MYO5B: variants seen among roughly 807,000 people sequenced by gnomAD.
MYO5B encodes unconventional myosin-Vb.
MYO5B carries 143 observed loss-of-function variants against 229.3 expected under a neutral mutation model. The ratio of observed to expected loss-of-function variants is 0.62; its 90% CI spans 0.54 to 0.72. MYO5B has a LOEUF of 0.72. Ranked by LOEUF, MYO5B falls within the 30% of genes least tolerant of loss-of-function variation. The pLI, the probability that MYO5B is intolerant of heterozygous loss-of-function variation, is 0.00. For synonymous variants in MYO5B, 918 were observed against 885.2 expected, an observed-to-expected ratio of 1.04 and a Z score of -0.66; for missense variants, 2,321 against 2,331.0, an observed-to-expected ratio of 1.00 and a Z score of 0.09.
At chr18:49,956,985 G>A (rs1454900399) in intron 12 of MYO5B, among the ~76,000 whole-genome samples, 3 of 152,004 alleles carry the variant, frequency 2.0e-5, no homozygotes, top group South Asian at 2.1e-4. Flanking sequence ...AAAATTGACT[G>A]TGGTTGGTAA....
intron 1 of MYO5B, among the ~76,000 whole-genome samples, chr18:50,112,884 A>G (rs1183265424): frequency 6.6e-6 from 1 of 152,238 alleles, no homozygotes; most frequent in Non-Finnish European, 1.5e-5. Flanking sequence ...AAATTGGGTC[A>G]TTTATTTCAA....
chr18:50,104,167 T>TAACAAAAAAAA (rs2078020629), intron 1 of MYO5B, among the ~76,000 whole-genome samples: 1 of 131,488 alleles, frequency 7.6e-6, no homozygotes, highest in African/African-American at 2.9e-5. Flanking sequence ...ACTTGTCTAT[T>TAACAAAAAAAA]AAAAAGAAAA....
intron 14 of MYO5B, among the ~76,000 whole-genome samples, chr18:49,942,606 A>G (rs973197142): frequency 1.3e-5 from 2 of 152,088 alleles, no homozygotes; most frequent in East Asian, 3.8e-4. Flanking sequence ...CAAAAGACAC[A>G]TGAAAAAATG....
chr18:49,979,213 G>A (rs1443862871), intron 9 of MYO5B, among the ~76,000 whole-genome samples: 1 of 152,124 alleles, frequency 6.6e-6, no homozygotes, highest in African/African-American at 2.4e-5. Flanking sequence ...CCCCTAAGGT[G>A]AGCACCCACA....
At chr18:49,964,861 G>A (rs923151637) in intron 10 of MYO5B, among the ~76,000 whole-genome samples, 12 of 152,192 alleles carry the variant, frequency 7.9e-5, no homozygotes, top group African/African-American at 2.9e-4. Context: ...AGGTGGAACC[G>A]TTAGAGGGGA....
At chr18:49,959,524 C>T (rs4513197) in intron 12 of MYO5B, among the ~76,000 whole-genome samples, 1 of 152,058 alleles carries the variant, frequency 6.6e-6, no homozygotes, top group Non-Finnish European at 1.5e-5. Context: ...GGACACTGGC[C>T]TCCCCACTGA....
chr18:50,122,626 AGG>A (rs150715257), intron 1 of MYO5B, among the ~76,000 whole-genome samples: 11 of 9,092 alleles, frequency 1.2e-3, no homozygotes, highest in African/African-American at 7.1e-3. Context: ...GAGGGAGGGA[AGG>A]GGGGGGGAGA....
chr18:49,863,749 T>C, intron 28 of MYO5B, among the ~76,000 whole-genome samples: 1 of 152,150 alleles, frequency 6.6e-6, no homozygotes, highest in East Asian at 1.9e-4. Flanking sequence ...CCCCACCCTC[T>C]GGCTCTAGTC....
At chr18:49,862,768 T>C (rs1245863059) in intron 29 of MYO5B, among the ~76,000 whole-genome samples, 2 of 152,182 alleles carry the variant, frequency 1.3e-5, no homozygotes, top group Non-Finnish European at 2.9e-5. Context: ...CACCCCCAAG[T>C]GCCCAGCTTG....
intron 1 of MYO5B, among the ~76,000 whole-genome samples, chr18:50,066,428 C>G (rs899574772): frequency 1.1e-4 from 16 of 152,178 alleles, no homozygotes; most frequent in Non-Finnish European, 1.2e-4. Context: ...TTTGAAACCT[C>G]CTTATTCATG....
chr18:50,011,050 G>T (rs977844598), intron 4 of MYO5B, among the ~76,000 whole-genome samples: 1 of 151,976 alleles, frequency 6.6e-6, no homozygotes, highest in Admixed American at 6.6e-5. Context: ...TAAAATTTAG[G>T]GCATCATGGT....
intron 20 of MYO5B, among the ~76,000 whole-genome samples, chr18:49,903,589 A>G (rs992208970): frequency 6.6e-6 from 1 of 152,084 alleles, no homozygotes; most frequent in South Asian, 2.1e-4. Context: ...TCTACATACT[A>G]CACCAGGGTG....
intron 1 of MYO5B, among the ~76,000 whole-genome samples, chr18:50,086,580 A>G (rs2031334480): frequency 6.6e-6 from 1 of 152,156 alleles, no homozygotes; most frequent in Non-Finnish European, 1.5e-5. Context: ...CTCAGAACCT[A>G]TTATGTGTAC....
intron 21 of MYO5B, among the ~76,000 whole-genome samples, chr18:49,896,257 A>G (rs1394094449): frequency 1.3e-5 from 2 of 152,138 alleles, no homozygotes; most frequent in Admixed American, 1.3e-4. Context: ...GCACCAACAC[A>G]ACAGAATGAG....
intron 1 of MYO5B, among the ~76,000 whole-genome samples, chr18:50,163,980 G>A (rs201262839): frequency 2.6e-5 from 3 of 115,650 alleles, no homozygotes; most frequent in African/African-American, 9.8e-5. Flanking sequence ...CTATTTAAAA[G>A]AAAAATATCA....
intron 17 of MYO5B, among the ~76,000 whole-genome samples, chr18:49,920,348 T>C (rs1413861913): frequency 6.6e-6 from 1 of 152,210 alleles, no homozygotes; most frequent in Non-Finnish European, 1.5e-5. Context: ...AAGAGGTTTG[T>C]GGGTGGCCTT....
At chr18:49,878,319 C>A (rs1018727487) in intron 24 of MYO5B, among the ~76,000 whole-genome samples, 1 of 151,838 alleles carries the variant, frequency 6.6e-6, no homozygotes, top group African/African-American at 2.4e-5. Flanking sequence ...TTATACTGTT[C>A]ATTTAAAAAT....
intron 1 of MYO5B, among the ~76,000 whole-genome samples, chr18:50,058,243 A>G (rs2030600061): frequency 6.6e-6 from 1 of 152,016 alleles, no homozygotes; most frequent in Non-Finnish European, 1.5e-5. Context: ...AGGCAGGTAG[A>G]TCATTTGAGG....
chr18:50,033,007 C>T (rs1017388510), intron 4 of MYO5B, among the ~76,000 whole-genome samples: 4 of 152,136 alleles, frequency 2.6e-5, no homozygotes, highest in African/African-American at 9.6e-5. Flanking sequence ...AATGTGTTTT[C>T]ATTTCTCTTG....
Sources: gnomAD v4.1 joint callset for allele counts (sites outside exome capture counted in the v4.1 genomes callset) on GRCh38, gnomAD v4.1.1 for gene constraint, MANE v1.5 for transcripts, NCBI Gene and HGNC (gene_info 2026-07-23, HGNC 2026-07-21) for gene names.